Variants in MID2 observed in about 807,000 individuals in gnomAD.
MID2 encodes the protein midline 2, also known as probable E3 ubiquitin-protein ligase MID2.
In MID2, 13 loss-of-function variants were observed where a neutral mutation model predicts 46.1. The ratio of observed to expected loss-of-function variants is 0.28; its 90% CI spans 0.18 to 0.45. The LOEUF (loss-of-function observed/expected upper bound fraction) is 0.45. MID2 is among the 20% of genes least tolerant of loss of function. The pLI, the probability that MID2 is intolerant of heterozygous loss-of-function variation, is 1.00. For synonymous variants in MID2, 199 were observed against 212.3 expected (o/e 0.94, Z 0.55); for missense variants, 431 against 575.4 (o/e 0.75, Z 2.57).
rs1187298627 is a variant in MID2, at chrX:107,928,548, C to G, written c.*1475C>G. On this transcript the variant is annotated 3_prime_UTR_variant, in exon 10 of 10. Coordinates refer to ENST00000262843, the MANE Select transcript of MID2 (RefSeq NM_012216.4). Reference sequence around the variant, plus strand: ...TAAAATTACAAAGTGGTAGCCATAACAACTCCCTCAGATTGGAGACTTGAA... The same window carrying G: ...TAAAATTACAAAGTGGTAGCCATAAGAACTCCCTCAGATTGGAGACTTGAA... Among the ~76,000 whole-genome samples, 1 of 111,598 alleles carries G rather than the reference C, an allele frequency of 9.0e-6. No individual in the cohort carries two copies. The highest frequency in any genetic ancestry group is 3.3e-5 in the African/African-American group (1 of 30,727).
chrX:107,862,001 C>G (rs931664640), intron 3 of MID2, among the ~76,000 whole-genome samples: 15 of 112,167 alleles, frequency 1.3e-4, no homozygotes, highest in African/African-American at 4.5e-4. Flanking sequence ...TGAACACATA[C>G]TTTTTCTGAG....
In MID2 at chrX:107,837,645, A is replaced by C. The variant is rs184640136; in HGVS notation, c.5-3025A>C. 2.5e-4 allele frequency among the ~76,000 whole-genome samples: 28 copies of C among 110,532 alleles called. No individual in the cohort carries two copies. The Admixed American group carries it at 2.7e-3, about 11-fold the overall frequency. ...TAAATGGTCCAGATAAACCTCAGTG[A>C]AGGAGGTGAGATGATTGAAATAAAG... On this transcript the variant is annotated intron_variant, in intron 1 of 9. Transcript: ENST00000262843.
intron 2 of MID2, among the ~76,000 whole-genome samples, chrX:107,849,636 C>T (rs779503289): frequency 4.5e-5 from 5 of 112,115 alleles, no homozygotes; most frequent in Non-Finnish European, 7.5e-5. Context: ...CTAATCTATA[C>T]AACACAATAA....
upstream of MID2, chrX:107,825,814 T>C (rs1930926574): frequency 4.7e-6 from 1 of 210,610 alleles, no homozygotes; most frequent in African/African-American, 3.0e-5. Flanking sequence ...GGTACAGTAG[T>C]AACCCGAGCC....
rs141483499 is a variant in MID2, at chrX:107,887,335, G to C, written c.817-16623G>C. Among the ~76,000 whole-genome samples the C allele has an allele frequency of 1.1e-4, 12 of 111,946 alleles. No homozygotes were observed. In the South Asian group the frequency reaches 1.9e-3, roughly 17 times the overall value. On this transcript the variant is annotated intron_variant, in intron 3 of 9. Coordinates refer to ENST00000262843, the MANE Select transcript of MID2 (RefSeq NM_012216.4). ...TTTCTTGAGAGTTTTTAGCATGAAG[G>C]GTTGTTGAATTTTGTCAAAGGTCTT...
chrX:107,894,081 G>C (rs1214496001), intron 3 of MID2, among the ~76,000 whole-genome samples: 4 of 111,723 alleles, frequency 3.6e-5, no homozygotes, highest in Non-Finnish European at 7.5e-5. Context: ...TCTGGTTCAG[G>C]TGTTCCTCCT....
chrX:107,896,549 G>T (rs935480846), intron 3 of MID2, among the ~76,000 whole-genome samples: 3 of 112,083 alleles, frequency 2.7e-5, no homozygotes, highest in Non-Finnish European at 5.6e-5. Flanking sequence ...TTGTCCTCAC[G>T]CTCTGTCTCC....
At chrX:107,836,132 G>A (rs1931196553) in intron 1 of MID2, among the ~76,000 whole-genome samples, 1 of 112,262 alleles carries the variant, frequency 8.9e-6, no homozygotes, top group Non-Finnish European at 1.9e-5. Flanking sequence ...TTTCTCCATC[G>A]AATGGTCTTG....
intron 2 of MID2, among the ~76,000 whole-genome samples, chrX:107,851,423 T>G (rs1174125041): frequency 9.0e-6 from 1 of 111,566 alleles, no homozygotes; most frequent in Non-Finnish European, 1.9e-5. Context: ...CAGTGACAAA[T>G]CCTTTCCTGA....
chrX:107,919,799 A>T (rs988443025), intron 7 of MID2, among the ~76,000 whole-genome samples: 1 of 111,439 alleles, frequency 9.0e-6, no homozygotes, highest in Admixed American at 9.6e-5. Flanking sequence ...TTGACTACTG[A>T]CTGTTTACTG....
Position 107,842,911 on chromosome X carries a change from G to C in MID2, c.720+1526G>C, listed in dbSNP as rs745608893. Among the ~76,000 whole-genome samples the C allele has an allele frequency of 3.7e-3, 410 of 111,697 alleles. 7 individuals carry two copies. Among genetic ancestry groups the C allele is most frequent in the African/African-American group, 0.013 (396 of 30,793 alleles). On this transcript the variant is annotated intron_variant, in intron 2 of 9. Transcript: ENST00000262843. ...AAAATCAAAGAAATGATTAGTAATGGGAAAGCTAGAACTGGGACTTAGCCT... is the reference window on the plus strand; with the variant it reads ...AAAATCAAAGAAATGATTAGTAATGCGAAAGCTAGAACTGGGACTTAGCCT...
At chrX:107,830,673 A>G (rs769096560) in intron 1 of MID2, among the ~76,000 whole-genome samples, 3 of 112,350 alleles carry the variant, frequency 2.7e-5, no homozygotes, top group Non-Finnish European at 3.8e-5. Flanking sequence ...GTTCATCACT[A>G]AGCAGTGTAC....
chrX:107,826,534 G>C (rs774836203), intron 1 of MID2, 104 bp downstream of exon 1: 560 of 964,842 alleles, frequency 5.8e-4, no homozygotes, highest in Admixed American at 1.2e-3. Context: ...GGGGCCCGGC[G>C]TTGGCCGAGG....
At chrX:107,916,751 G>A (rs956026851) in intron 6 of MID2, among the ~76,000 whole-genome samples, 5 of 112,432 alleles carry the variant, frequency 4.4e-5, no homozygotes, top group African/African-American at 1.3e-4. Flanking sequence ...TATTAATTTT[G>A]TATCTTTAAA....
rs184855419 is a variant in MID2, at chrX:107,842,630, G to A, written c.720+1245G>A. Among the ~76,000 whole-genome samples the A allele has an allele frequency of 8.7e-3, 981 of 112,150 alleles. 13 individuals are homozygous for A. Among genetic ancestry groups the A allele is most frequent in the African/African-American group, 0.03 (930 of 30,894 alleles). On this transcript the variant is annotated intron_variant, in intron 2 of 9. Coordinates refer to ENST00000262843, the MANE Select transcript of MID2 (RefSeq NM_012216.4). ...CCTGTAATTTGTTGCAAATAATATT[G>A]AGAGTAGTCACAATGACTATGGTTT...
chrX:107,864,217 G>A (rs758352666), intron 3 of MID2, among the ~76,000 whole-genome samples: 2 of 111,720 alleles, frequency 1.8e-5, no homozygotes, highest in Admixed American at 9.5e-5. Context: ...AATAGCTCTA[G>A]CTCTAGAAAA....
At chrX:107,847,319 T>G (rs1353608616) in intron 2 of MID2, among the ~76,000 whole-genome samples, 2 of 111,678 alleles carry the variant, frequency 1.8e-5, no homozygotes, top group African/African-American at 6.5e-5. Context: ...TCCAATTCAG[T>G]ATGGTAAGTG....
intron 1 of MID2, among the ~76,000 whole-genome samples, chrX:107,836,809 AAT>A (rs1243591671): frequency 8.9e-6 from 1 of 111,800 alleles, no homozygotes; most frequent in Non-Finnish European, 1.9e-5. Context: ...TAAAACAGTT[AAT>A]ATATGATAAT....
At chrX:107,835,481 T>C (rs1931181827) in intron 1 of MID2, among the ~76,000 whole-genome samples, 1 of 112,379 alleles carries the variant, frequency 8.9e-6, no homozygotes. Flanking sequence ...GTATGAGGGT[T>C]CTAACTTCTC....
Sources: gnomAD v4.1 joint callset for allele counts (sites outside exome capture counted in the v4.1 genomes callset) on GRCh38, gnomAD v4.1.1 for gene constraint, MANE v1.5 for transcripts, NCBI Gene and HGNC (gene_info 2026-07-23, HGNC 2026-07-21) for gene names.